The following ZP4 variants were observed in gnomAD, a reference collection of about 807,000 sequenced individuals.
ZP4 encodes zona pellucida sperm-binding protein 4.
A neutral mutation model predicts 62.3 loss-of-function variants in ZP4; 62 were observed. The ratio of observed to expected loss-of-function variants is 0.99; its 90% CI spans 0.81 to 1.23. The LOEUF is 1.23. Ranked by LOEUF, ZP4 falls within the 50% of genes most tolerant of loss-of-function variation. ZP4 has a pLI of 0.00. For missense variants in ZP4, 774 were observed against 656.0 expected (o/e 1.18, Z -1.97); for synonymous variants, 289 against 247.3 (o/e 1.17, Z -1.58).
intron 10 of ZP4, among the ~76,000 whole-genome samples, chr1:237,883,724 CGGGGGA>C (rs1453419362): frequency 1.2e-4 from 1 of 8,480 alleles, no homozygotes; most frequent in African/African-American, 3.0e-4. Flanking sequence ...CGGGGGAGGG[CGGGGGA>C]GGGAGAGAGA....
chr1:237,889,854 T>G lies in ZP4; in HGVS notation c.400+13A>C. ...ACCACCCCCACAAGACCCTGAGAGCTTCCAGCCTTTACCTAGAAGATCCAT... is the reference window on the plus strand; with the variant it reads ...ACCACCCCCACAAGACCCTGAGAGCGTCCAGCCTTTACCTAGAAGATCCAT... On this transcript the variant is annotated intron_variant, in intron 3 of 11. Transcript: ENST00000366570. 3 of 1,341,434 alleles carry G rather than the reference T, an allele frequency of 2.2e-6. No individual in the cohort carries two copies. Among genetic ancestry groups the G allele is most frequent in the Non-Finnish European group, 3.2e-6 (3 of 945,462 alleles). The allele number at this position is 1,341,434 out of a possible 1,614,324, so 83.1% of individuals were successfully genotyped here. A position where few individuals can be genotyped will look rare whatever the true frequency, so the allele number is the denominator to read the frequency against.
Position 237,882,437 on chromosome 1 carries a change from G to C in ZP4, c.1608C>G (p.Asp536Glu). The C allele has an allele frequency of 6.2e-7, 1 of 1,610,684 alleles. No homozygotes were observed. Among genetic ancestry groups the C allele is most frequent in the Middle Eastern group, 1.7e-4 (1 of 6,052 alleles). ...LAVKKQKSCP[D>E]QMCQ is the part of the protein sequence containing the mutation. ...CACTCTGGTTTTATTGACACATTTG[G>C]TCTGGGCAACTCTTCTGTTTCTTGA... The change falls in exon 12 of 12, where the codon GAC (aspartate) becomes GAG (glutamate). Residue 536 changes from aspartate (D) to glutamate (E), a missense_variant. Coordinates refer to ENST00000366570, the MANE Select transcript of ZP4 (RefSeq NM_021186.5).
At chr1:237,882,578 T>C (rs1453195919) in intron 11 of ZP4, 29 bp from the exon 12 acceptor site, 4 of 1,585,752 alleles carry the variant, frequency 2.5e-6, no homozygotes, top group Non-Finnish European at 3.4e-6. Context: ...GGTAGGTTAA[T>C]GTATGCTAAA....
At position 237,887,907 on chromosome 1, in the gene ZP4, G is replaced by A. The variant is rs187542634; in HGVS notation, c.554-346C>T. 1.7e-3 allele frequency among the ~76,000 whole-genome samples: 260 copies of A among 152,274 alleles called. 1 individual carries two copies. Among genetic ancestry groups the A allele is most frequent in the African/African-American group, 6.0e-3 (248 of 41,548 alleles). On this transcript the variant is annotated intron_variant, in intron 4 of 11. Transcript: ENST00000366570. The stretch of plus-strand genomic sequence containing the variant: ...GTGCGATTATTAGGTTGGTAGAGAA[G>A]TAATTGCAGCCTTTGCCACAATGGC...
chr1:237,886,833 C>T lies in ZP4; in HGVS notation c.777G>A (p.Leu259=). 1 of 1,614,062 alleles carries T rather than the reference C, an allele frequency of 6.2e-7. No homozygotes were observed. The highest frequency in any genetic ancestry group is 8.5e-7 in the Non-Finnish European group (1 of 1,179,996). Reference sequence around the variant, plus strand: ...CATTTTTCACATCCCTAGTTGCCACCAGTTCATTTTCATATACTGCTCGGT... The same window carrying T: ...CATTTTTCACATCCCTAGTTGCCACTAGTTCATTTTCATATACTGCTCGGT... ...TGDRAVYENE[L]VATRDVKNGS... Residue 259 remains leucine, a synonymous_variant, in exon 6 of 12, where the codon CTG becomes CTA. Coordinates refer to ENST00000366570, the MANE Select transcript of ZP4 (RefSeq NM_021186.5).
At chr1:237,889,479 C>T (rs972430642) in intron 3 of ZP4, among the ~76,000 whole-genome samples, 13 of 151,912 alleles carry the variant, frequency 8.6e-5, no homozygotes, top group Admixed American at 2.6e-4. Context: ...CCACCACACC[C>T]GGCTGATTGT....
Position 237,885,335 on chromosome 1 carries a change from A to C in ZP4, c.1161-20T>G. ...GGGCAGCTAGACCAAGAGACCCAGCAGTCAGGATGGGCTTCTTTGAGAATT... is the reference window on the plus strand; with the variant it reads ...GGGCAGCTAGACCAAGAGACCCAGCCGTCAGGATGGGCTTCTTTGAGAATT... On this transcript the variant is annotated intron_variant, in intron 8 of 11. Transcript: ENST00000366570. 6.2e-7 allele frequency: 1 copy of C among 1,613,162 alleles called. No individual in the cohort carries two copies. Among genetic ancestry groups the C allele is most frequent in the Non-Finnish European group, 8.5e-7 (1 of 1,179,598 alleles).
At chr1:237,885,923 G>A (rs749624662) in intron 6 of ZP4, 37 bp from the exon 7 acceptor site, 29 of 1,612,402 alleles carry the variant, frequency 1.8e-5, no homozygotes, top group Non-Finnish European at 2.5e-5. Context: ...TTGGTTGTGG[G>A]AAGTGGGTGT....
At chr1:237,885,947 T>C in intron 6 of ZP4, 61 bp from the exon 7 acceptor site, 2 of 1,600,596 alleles carry the variant, frequency 1.2e-6, no homozygotes, top group East Asian at 2.2e-5. Context: ...TTACACATCC[T>C]TTCTTTTTAA....
intron 3 of ZP4, 128 bp downstream of exon 3, chr1:237,889,739 G>A (rs1665192393): frequency 2.4e-6 from 2 of 843,674 alleles, no homozygotes; most frequent in Non-Finnish European, 4.0e-6. Flanking sequence ...GGAGGTGAGA[G>A]TTGGGACATG....
Position 237,887,255 on chromosome 1 carries a change from A to G in ZP4, c.741+119T>C, listed in dbSNP as rs505278. 30,843 of 1,231,326 alleles carry G rather than the reference A, an allele frequency of 0.025. 5,565 individuals are homozygous for G. In the African/African-American group the frequency reaches 0.4, roughly 16 times the overall value. The allele number at this position is 1,231,326 out of a possible 1,614,324, so 76.3% of individuals were successfully genotyped here. A position where few individuals can be genotyped will look rare whatever the true frequency, so the allele number is the denominator to read the frequency against. On this transcript the variant is annotated intron_variant, in intron 5 of 11. Coordinates refer to ENST00000366570, the MANE Select transcript of ZP4 (RefSeq NM_021186.5). ...ATTCTCCTGCCCTAGGGACTCTCCCAAACTCCAAGTAGTAGTCACAAGTAT... is the reference window on the plus strand; with the variant it reads ...ATTCTCCTGCCCTAGGGACTCTCCCGAACTCCAAGTAGTAGTCACAAGTAT...
At position 237,888,305 on chromosome 1, in the gene ZP4, T is replaced by C; in HGVS notation, c.553+53A>G. ...TGAGCAAACCCCTCTCTGGGTTTCA[T>C]TGTAATTGCCACACTTCCTCAGCTG... On this transcript the variant is annotated intron_variant, in intron 4 of 11. Coordinates refer to ENST00000366570, the MANE Select transcript of ZP4 (RefSeq NM_021186.5). The C allele has an allele frequency of 4.1e-6, 6 of 1,467,342 alleles. No individual in the cohort carries two copies. The South Asian group carries it at 9.2e-5, about 22-fold the overall frequency. The allele number at this position is 1,467,342 out of a possible 1,614,324, so 90.9% of individuals were successfully genotyped here.
At chr1:237,888,152 G>A (rs576435766) in intron 4 of ZP4, among the ~76,000 whole-genome samples, 48 of 152,336 alleles carry the variant, frequency 3.2e-4, no homozygotes, top group Admixed American at 1.6e-3. Flanking sequence ...AAGTCTGAGC[G>A]TTATTGACTT....
At chr1:237,890,268 A>G in intron 1 of ZP4, 92 bp from the exon 2 acceptor site, 1 of 1,586,538 alleles carries the variant, frequency 6.3e-7, no homozygotes, top group Non-Finnish European at 8.6e-7. Context: ...CCAAGGAGCA[A>G]CTGTCAATAA....
At chr1:237,883,833 A>G (rs868032293) in intron 10 of ZP4, among the ~76,000 whole-genome samples, 6 of 150,046 alleles carry the variant, frequency 4.0e-5, no homozygotes, top group African/African-American at 1.5e-4. Flanking sequence ...GCATAGTAGA[A>G]TACGCCTGTA....
intron 5 of ZP4, 87 bp from the exon 6 acceptor site, chr1:237,886,955 A>AC: frequency 8.8e-7 from 1 of 1,134,808 alleles, no homozygotes; most frequent in Non-Finnish European, 1.3e-6. Context: ...CAGCAATGCT[A>AC]CCCTGTTGTA....
At chr1:237,886,234 C>T (rs1665098035) in intron 6 of ZP4, among the ~76,000 whole-genome samples, 1 of 152,090 alleles carries the variant, frequency 6.6e-6, no homozygotes. Context: ...AGCCTGGAGG[C>T]AAGGAAGTGC....
rs1464383360 is a variant in ZP4 at position 237,890,689 on chromosome 1, G to A, written c.-54C>T. The A allele has an allele frequency of 9.6e-6, 15 of 1,568,532 alleles. No individual in the cohort carries two copies. Among genetic ancestry groups the A allele is most frequent in the Non-Finnish European group, 1.2e-5 (14 of 1,157,060 alleles). ...AGACTCTCCGCCTCCTCTCCCAAGA[G>A]CCGAGGGTCTGCCTGCCCAGATTCC... On this transcript the variant is annotated 5_prime_UTR_variant, in exon 1 of 12. Transcript: ENST00000366570.
In ZP4 at chr1:237,887,454, T is replaced by G. The variant is rs1271164529; in HGVS notation, c.661A>C (p.Ser221Arg). Residue 221 changes from serine to arginine, a missense_variant, in exon 5 of 12, where the codon AGT becomes CGT. Physicochemically the swap from Ser to Arg is moderately radical, Grantham distance 110. Coordinates refer to ENST00000366570, the MANE Select transcript of ZP4 (RefSeq NM_021186.5). Reference protein sequence around the residue: ...DSVRLALRNDSACNPVMATQA... With the variant: ...DSVRLALRNDRACNPVMATQA... ...GTTGCCATCACAGGGTTACACGCAC[T>G]GTCATTCCTAAGGGCCAAGCGCACA... 1 of 1,614,220 alleles carries G rather than the reference T, an allele frequency of 6.2e-7. No individual in the cohort carries two copies. Among genetic ancestry groups the G allele is most frequent in the East Asian group, 2.2e-5 (1 of 44,876 alleles).
Sources: allele counts gnomAD v4.1 joint callset (sites outside exome capture counted in the v4.1 genomes callset), GRCh38; gene constraint gnomAD v4.1.1; transcripts MANE v1.5; gene names NCBI Gene and HGNC (gene_info 2026-07-23, HGNC 2026-07-21).